The following CADPS2 variants were observed in gnomAD, a reference collection of about 807,000 sequenced individuals.
CADPS2 encodes the protein calcium dependent secretion activator 2, also known as calcium-dependent secretion activator 2.
A neutral mutation model predicts 172.5 loss-of-function variants in CADPS2; 93 were observed. The ratio of observed to expected loss-of-function variants is 0.54; its 90% CI spans 0.46 to 0.64. The LOEUF is 0.64. Among genes scored for constraint, CADPS2 ranks in the 30% least tolerant of loss-of-function variants. The pLI, the probability that CADPS2 is intolerant of heterozygous loss-of-function variation, is 0.00. For synonymous variants in CADPS2, 546 were observed against 555.2 expected, an observed-to-expected ratio of 0.98 and a Z score of 0.23; for missense variants, 1,420 against 1,565.9, an observed-to-expected ratio of 0.91 and a Z score of 1.57.
At chr7:122,573,423 C>T (rs2067541463) in intron 7 of CADPS2, among the ~76,000 whole-genome samples, 1 of 151,942 alleles carries the variant, frequency 6.6e-6, no homozygotes, top group African/African-American at 2.4e-5. Flanking sequence ...AACAGTAGTC[C>T]CAGCAACTTG....
chr7:122,847,941 T>C (rs892774532), intron 1 of CADPS2, among the ~76,000 whole-genome samples: 1 of 152,186 alleles, frequency 6.6e-6, no homozygotes, highest in Non-Finnish European at 1.5e-5. Context: ...CATCATCCTA[T>C]ATGAAAACAG....
intron 17 of CADPS2, among the ~76,000 whole-genome samples, chr7:122,418,640 A>T (rs536765323): frequency 6.6e-6 from 1 of 152,280 alleles, no homozygotes; most frequent in Admixed American, 6.5e-5. Context: ...AGGAATAGAA[A>T]AGAAGGGAAA....
intron 1 of CADPS2, 131 bp from the exon 2 acceptor site, chr7:122,737,199 C>A (rs1340316498): frequency 1.7e-6 from 1 of 576,504 alleles, no homozygotes; most frequent in Non-Finnish European, 3.1e-6. Context: ...AAAATAAAAG[C>A]TAAAACATCC....
At chr7:122,403,918 T>C (rs2046283071) in intron 20 of CADPS2, among the ~76,000 whole-genome samples, 1 of 152,184 alleles carries the variant, frequency 6.6e-6, no homozygotes, top group Non-Finnish European at 1.5e-5. Flanking sequence ...CTCTATAAAA[T>C]AAATTACAAT....
At chr7:122,420,822 CTT>C (rs1056163200) in intron 17 of CADPS2, 1 of 152,182 alleles carries the variant, frequency 6.6e-6, no homozygotes, top group African/African-American at 2.4e-5. Context: ...CTCTGGAACA[CTT>C]TTGGTTTTCT....
At chr7:122,839,802 A>G (rs571316108) in intron 1 of CADPS2, among the ~76,000 whole-genome samples, 4 of 152,332 alleles carry the variant, frequency 2.6e-5, no homozygotes, top group Non-Finnish European at 5.9e-5. Flanking sequence ...GAGGATGTGG[A>G]GAAATAGGAA....
intron 1 of CADPS2, among the ~76,000 whole-genome samples, chr7:122,838,625 A>G (rs1809344395): frequency 6.6e-6 from 1 of 152,108 alleles, no homozygotes; most frequent in Admixed American, 6.5e-5. Context: ...GCATTCTTAT[A>G]AACCAATAAC....
chr7:122,673,190 A>T (rs2082040348), intron 2 of CADPS2, among the ~76,000 whole-genome samples: 1 of 152,332 alleles, frequency 6.6e-6, no homozygotes, highest in Non-Finnish European at 1.5e-5. Flanking sequence ...CAGCAGCAAG[A>T]TTCATTGCAA....
At chr7:122,587,170 A>AATGT (rs2069851202) in intron 6 of CADPS2, among the ~76,000 whole-genome samples, 1 of 151,698 alleles carries the variant, frequency 6.6e-6, no homozygotes, top group African/African-American at 2.4e-5. Context: ...TTACATAGGT[A>AATGT]ATGTATGCCA....
intron 6 of CADPS2, among the ~76,000 whole-genome samples, chr7:122,581,551 G>T (rs1238838081): frequency 6.6e-6 from 1 of 152,028 alleles, no homozygotes; most frequent in Admixed American, 6.6e-5. Flanking sequence ...TTAGGTTAAG[G>T]TAAAGCAATA....
At chr7:122,856,882 A>G (rs1391808459) in intron 1 of CADPS2, among the ~76,000 whole-genome samples, 1 of 152,236 alleles carries the variant, frequency 6.6e-6, no homozygotes, top group Admixed American at 6.5e-5. Context: ...AACTATTCTT[A>G]GTACTATATA....
chr7:122,487,306 G>C (rs377605925), intron 11 of CADPS2, among the ~76,000 whole-genome samples: 12 of 151,792 alleles, frequency 7.9e-5, no homozygotes, highest in African/African-American at 1.2e-4. Context: ...CCACTGCGCC[G>C]GCCAAACATA....
chr7:122,418,416 G>T (rs12706410), intron 17 of CADPS2, among the ~76,000 whole-genome samples: 6,231 of 152,270 alleles, frequency 0.041, 231 homozygotes, highest in Non-Finnish European at 0.057. Flanking sequence ...AATGATGGGT[G>T]ATTATGGGAG....
chr7:122,328,575 T>C (rs2034355073), intron 28 of CADPS2: 1 of 152,232 alleles, frequency 6.6e-6, no homozygotes, highest in South Asian at 2.1e-4. Context: ...AGTAAGTGTA[T>C]ATTTTACAAA....
chr7:122,745,006 G>A (rs764599251), intron 1 of CADPS2, among the ~76,000 whole-genome samples: 9 of 149,744 alleles, frequency 6.0e-5, no homozygotes, highest in Non-Finnish European at 1.0e-4. Context: ...TAACTGACAA[G>A]TAAAAACGTA....
intron 1 of CADPS2, among the ~76,000 whole-genome samples, chr7:122,877,540 C>T (rs1044644374): frequency 6.6e-6 from 1 of 152,088 alleles, no homozygotes; most frequent in Admixed American, 6.5e-5. Context: ...AATTAAGTAA[C>T]ATCAATGACC....
rs553658980 is a variant in CADPS2, at chr7:122,542,571, A to G, written c.1475+11979T>C. 6.6e-5 allele frequency among the ~76,000 whole-genome samples: 10 copies of G among 152,310 alleles called. No homozygotes were observed. In the South Asian group the frequency reaches 2.1e-3, roughly 32 times the overall value. ...AAACATGCATATTTGTGTCCAATGGACAAATAGATATTGTGGAGGATAACT... is the reference window on the plus strand; with the variant it reads ...AAACATGCATATTTGTGTCCAATGGGCAAATAGATATTGTGGAGGATAACT... On this transcript the variant is annotated intron_variant, in intron 8 of 29. Transcript: ENST00000449022.
At chr7:122,469,557 A>G (rs2055628635) in intron 14 of CADPS2, among the ~76,000 whole-genome samples, 1 of 152,166 alleles carries the variant, frequency 6.6e-6, no homozygotes, top group South Asian at 2.1e-4. Flanking sequence ...TAGTGGGGAA[A>G]AAACTACTAA....
At chr7:122,881,037 G>C (rs1404256069) in intron 1 of CADPS2, among the ~76,000 whole-genome samples, 1 of 152,220 alleles carries the variant, frequency 6.6e-6, no homozygotes, top group Admixed American at 6.5e-5. Flanking sequence ...GTCAAAAGTG[G>C]TCTACCTCAC....
Sources: allele counts gnomAD v4.1 joint callset (sites outside exome capture counted in the v4.1 genomes callset), GRCh38; gene constraint gnomAD v4.1.1; transcripts MANE v1.5; gene names NCBI Gene and HGNC (gene_info 2026-07-23, HGNC 2026-07-21).